The following PCLO variants were observed in gnomAD, a reference collection of about 807,000 sequenced individuals.
The protein encoded by PCLO is piccolo presynaptic cytomatrix protein, also known as protein piccolo.
PCLO carries 82 observed loss-of-function variants against 427.5 expected under a neutral mutation model. The ratio of observed to expected loss-of-function variants is 0.19; its 90% CI spans 0.16 to 0.23. The LOEUF is 0.23. Ranked by LOEUF, PCLO falls within the 10% of genes least tolerant of loss-of-function variation. PCLO has a pLI of 1.00. For missense variants in PCLO, 6,239 were observed against 6,115.9 expected, an observed-to-expected ratio of 1.02 and a Z score of -0.67; for synonymous variants, 2,357 against 2,155.4, an observed-to-expected ratio of 1.09 and a Z score of -2.59.
chr7:83,102,318 C>A (rs1445693418), intron 3 of PCLO, among the ~76,000 whole-genome samples: 2 of 151,798 alleles, frequency 1.3e-5, no homozygotes, highest in African/African-American at 4.8e-5. Context: ...ATAATTTTTG[C>A]AAAATTTTAA....
At position 82,952,863 on chromosome 7, in the gene PCLO, G is replaced by C. The variant is rs1173350801; in HGVS notation, c.8090C>G (p.Thr2697Arg). 6.2e-7 allele frequency: 1 copy of C among 1,613,866 alleles called. No individual in the cohort carries two copies. Among genetic ancestry groups the C allele is most frequent in the Admixed American group, 1.7e-5 (1 of 60,014 alleles). ...TAGAGCAAGAGGCTCTGGAGGAATT[G>C]TTATGGAAATGCTGCTGAGACCAAC... ...PSVGLSSISI[T>R]IPPEPLALDN... is the part of the protein sequence containing the mutation. Residue 2697 changes from threonine to arginine, a missense_variant, in exon 5 of 25, where the codon ACA becomes AGA. Transcript: ENST00000333891.
At chr7:83,142,816 C>T (rs1252535199) in intron 2 of PCLO, among the ~76,000 whole-genome samples, 3 of 152,004 alleles carry the variant, frequency 2.0e-5, no homozygotes, top group Non-Finnish European at 2.9e-5. Flanking sequence ...AAAATCAGCC[C>T]GGCATGCTGG....
intron 6 of PCLO, among the ~76,000 whole-genome samples, chr7:82,940,839 T>C: frequency 7.0e-6 from 1 of 143,662 alleles, no homozygotes; most frequent in South Asian, 2.3e-4. Context: ...CTCGGCTCAC[T>C]GCAAGCTCCG....
chr7:82,898,085 T>G (rs1443001726), intron 9 of PCLO, among the ~76,000 whole-genome samples: 1 of 151,578 alleles, frequency 6.6e-6, no homozygotes, highest in Non-Finnish European at 1.5e-5. Flanking sequence ...AATGCTGTTT[T>G]AAATTTTTGT....
intron 3 of PCLO, among the ~76,000 whole-genome samples, chr7:83,057,344 ATATATTTTTTTTT>A (rs1789418442): frequency 1.0e-4 from 2 of 19,942 alleles, no homozygotes; most frequent in African/African-American, 3.7e-4. Flanking sequence ...ATATATATAT[ATATATTTTTTTTT>A]TTTTTTTTTT....
At chr7:83,041,994 T>G (rs1038597302) in intron 3 of PCLO, among the ~76,000 whole-genome samples, 1 of 152,172 alleles carries the variant, frequency 6.6e-6, no homozygotes, top group African/African-American at 2.4e-5. Context: ...AGACTTTTAA[T>G]GATTCAAGCC....
At chr7:82,961,300 T>C (rs2115620632) in intron 4 of PCLO, among the ~76,000 whole-genome samples, 1 of 152,240 alleles carries the variant, frequency 6.6e-6, no homozygotes, top group Admixed American at 6.5e-5. Flanking sequence ...ACAGTTGATG[T>C]GAAGGTGCAG....
At chr7:83,072,977 T>C (rs576115619) in intron 3 of PCLO, among the ~76,000 whole-genome samples, 1 of 152,102 alleles carries the variant, frequency 6.6e-6, no homozygotes, top group African/African-American at 2.4e-5. Context: ...TCTCTCTGTC[T>C]CCCTCTCCCT....
At chr7:82,970,980 C>T in intron 3 of PCLO, among the ~76,000 whole-genome samples, 1 of 151,778 alleles carries the variant, frequency 6.6e-6, no homozygotes, top group East Asian at 1.9e-4. Context: ...ATAACCTAAA[C>T]ATCTGTAGGT....
At chr7:83,050,227 A>AAAAAAAAAAAACAAAAAC (rs71074611) in intron 3 of PCLO, among the ~76,000 whole-genome samples, 5 of 85,648 alleles carry the variant, frequency 5.8e-5, no homozygotes, top group East Asian at 2.6e-4. Flanking sequence ...AAAAAAAAAA[A>AAAAAAAAAAAACAAAAAC]AAAAAAAAAA....
At position 83,155,723 on chromosome 7, in the gene PCLO, A is replaced by G; in HGVS notation, c.918T>C (p.Ile306=). ...PSLPSPSKPP[I]QQPTPGKPPA... Reference sequence around the variant, plus strand: ...GAGGTTTTCCAGGAGTTGGTTGCTGAATAGGTGGTTTGGATGGGCTTGGCA... The same window carrying G: ...GAGGTTTTCCAGGAGTTGGTTGCTGGATAGGTGGTTTGGATGGGCTTGGCA... The change falls in exon 2 of 25, where the codon ATT becomes ATC. Residue 306 remains isoleucine, a synonymous_variant. Transcript: ENST00000333891. The G allele has an allele frequency of 6.2e-7, 1 of 1,613,796 alleles. No homozygotes were observed. The highest frequency in any genetic ancestry group is 8.5e-7 in the Non-Finnish European group (1 of 1,179,848).
chr7:82,908,113 T>C (rs934568207), intron 8 of PCLO, among the ~76,000 whole-genome samples: 1 of 152,040 alleles, frequency 6.6e-6, no homozygotes, highest in Non-Finnish European at 1.5e-5. Context: ...CCTGCAAATA[T>C]CTGATCTGCT....
intron 4 of PCLO, among the ~76,000 whole-genome samples, chr7:82,962,504 A>C (rs1795675914): frequency 6.6e-6 from 1 of 152,054 alleles, no homozygotes; most frequent in Admixed American, 6.6e-5. Context: ...AAAAGATCTA[A>C]TAATAATATA....
Position 82,904,734 on chromosome 7 carries a change from T to C in PCLO, c.13438-1993A>G, listed in dbSNP as rs563272830. Among the ~76,000 whole-genome samples the C allele has an allele frequency of 2.7e-4, 41 of 152,122 alleles. 1 individual carries two copies. Among genetic ancestry groups the C allele is most frequent in the African/African-American group, 9.4e-4 (39 of 41,534 alleles). On this transcript the variant is annotated intron_variant, in intron 8 of 24. Transcript: ENST00000333891. ...GAAGAGTCATCATCAGGCTTCCTAA[T>C]TTTTTCACCAGTTTTATCAAATAGC...
chr7:83,150,968 G>A (rs1221516442), intron 2 of PCLO, among the ~76,000 whole-genome samples: 1 of 152,112 alleles, frequency 6.6e-6, no homozygotes, highest in African/African-American at 2.4e-5. Context: ...ACGTATGAAA[G>A]TTATGGTGTT....
chr7:82,862,320 G>C (rs147599100), intron 10 of PCLO, among the ~76,000 whole-genome samples: 137 of 152,018 alleles, frequency 9.0e-4, no homozygotes, highest in Non-Finnish European at 1.6e-3. Flanking sequence ...TGAGGATGTG[G>C]AGAAAAGAGA....
chr7:82,808,609 A>G (rs1791505594), intron 20 of PCLO, among the ~76,000 whole-genome samples: 1 of 151,944 alleles, frequency 6.6e-6, no homozygotes, highest in Non-Finnish European at 1.5e-5. Flanking sequence ...AACATTTTAT[A>G]AGAAATATTA....
chr7:83,155,520 T>C lies in PCLO; in HGVS notation c.1121A>G (p.Gln374Arg). The C allele has an allele frequency of 6.2e-7, 1 of 1,612,832 alleles. No homozygotes were observed. The highest frequency in any genetic ancestry group is 8.5e-7 in the Non-Finnish European group (1 of 1,179,196). Reference protein sequence around the residue: ...QPLGPAKPPAQQTGSEKPSSE... With the variant: ...QPLGPAKPPARQTGSEKPSSE... ...TGAAGGCTTCTCTGACCCAGTCTGC[T>C]GAGCTGGAGGCTTAGCAGGACCAAG... The change falls in exon 2 of 25, where the codon CAG (glutamine) becomes CGG (arginine). Residue 374 changes from glutamine (Q) to arginine (R), a missense_variant. By Grantham distance (43) the Gln-to-Arg change is conservative. Transcript: ENST00000333891.
chr7:83,040,758 G>C (rs984297854), intron 3 of PCLO, among the ~76,000 whole-genome samples: 2 of 152,072 alleles, frequency 1.3e-5, no homozygotes, highest in African/African-American at 4.8e-5. Flanking sequence ...TCTTTGGAGA[G>C]GAATTTAGAG....
Sources: allele counts gnomAD v4.1 joint callset (sites outside exome capture counted in the v4.1 genomes callset), GRCh38; gene constraint gnomAD v4.1.1; transcripts MANE v1.5; gene names NCBI Gene and HGNC (gene_info 2026-07-23, HGNC 2026-07-21).